Variants in MYO7A observed in about 807,000 individuals in gnomAD.
MYO7A encodes myosin VIIA.
Under a neutral mutation model 263.8 loss-of-function variants are expected in MYO7A, and 210 were observed. The ratio of observed to expected loss-of-function variants is 0.80; its 90% confidence interval spans 0.71 to 0.89. The LOEUF (loss-of-function observed/expected upper bound fraction) is 0.89. Among genes scored for constraint, MYO7A ranks in the 40% least tolerant of loss-of-function variants. The pLI is 0.00. For missense variants in MYO7A, 2,820 were observed against 2,968.3 expected (o/e 0.95, Z 1.16); for synonymous variants, 1,239 against 1,197.3 (o/e 1.03, Z -0.72).
intron 31 of MYO7A, among the ~76,000 whole-genome samples, chr11:77,193,626 G>A (rs1043447008): frequency 4.0e-5 from 6 of 151,664 alleles, no homozygotes; most frequent in Non-Finnish European, 5.9e-5. Flanking sequence ...CAGGCGGAGT[G>A]CATTAGTATA....
intron 30 of MYO7A, among the ~76,000 whole-genome samples, chr11:77,191,389 T>C (rs975516576): frequency 6.6e-6 from 1 of 152,186 alleles, no homozygotes; most frequent in Non-Finnish European, 1.5e-5. Flanking sequence ...CAGTAGGATG[T>C]CCTCAGTCCT....
chr11:77,209,918 C>T (rs570643422), intron 44 of MYO7A, among the ~76,000 whole-genome samples: 27 of 152,242 alleles, frequency 1.8e-4, no homozygotes, highest in African/African-American at 6.3e-4. Context: ...GCTGCCTTGC[C>T]TTGTACCTGG....
At chr11:77,194,182 C>T (rs755718138) in intron 31 of MYO7A, 172 bp from the exon 32 acceptor site, 3 of 823,382 alleles carry the variant, frequency 3.6e-6, no homozygotes, top group Non-Finnish European at 4.0e-6. Context: ...CATGGTTCCT[C>T]TGAGCAGACA....
At chr11:77,159,653 G>A (rs1952810192) in intron 10 of MYO7A, 130 bp downstream of exon 10, 9 of 910,984 alleles carry the variant, frequency 9.9e-6, no homozygotes, top group Non-Finnish European at 1.5e-5. Context: ...TGTTCAATAT[G>A]GAGAAGCAAC....
At chr11:77,176,061 C>T (rs1484657963) in intron 18 of MYO7A, among the ~76,000 whole-genome samples, 2 of 152,186 alleles carry the variant, frequency 1.3e-5, no homozygotes, top group African/African-American at 4.8e-5. Context: ...ACAGTGCGAG[C>T]TCCCAGTGCT....
intron 47 of MYO7A, among the ~76,000 whole-genome samples, chr11:77,213,456 C>T (rs937845035): frequency 4.6e-5 from 7 of 152,218 alleles, no homozygotes; most frequent in African/African-American, 9.6e-5. Flanking sequence ...TCATGCATCA[C>T]GCATTCCTGG....
At chr11:77,206,032 G>A in intron 40 of MYO7A, 65 bp from the exon 41 acceptor site, 1 of 1,296,510 alleles carries the variant, frequency 7.7e-7, no homozygotes. Flanking sequence ...GCCTCCAAGT[G>A]TCCCGGTCCC....
chr11:77,177,371 G>A (rs1368565333), intron 18 of MYO7A, among the ~76,000 whole-genome samples, 178 bp from the exon 19 acceptor site: 2 of 152,228 alleles, frequency 1.3e-5, no homozygotes, highest in African/African-American at 4.8e-5. Flanking sequence ...CACAACCCCT[G>A]TCTGTCCTGG....
chr11:77,147,847 C>G lies in MYO7A; in HGVS notation c.182C>G (p.Pro61Arg), dbSNP rs397516289. The G allele has an allele frequency of 6.8e-6, 11 of 1,609,014 alleles. No individual in the cohort carries two copies. Among genetic ancestry groups the G allele is most frequent in the Non-Finnish European group, 8.5e-6 (10 of 1,178,372 alleles). ...QNATHIKPMH[P>R]TSVHGVEDMI... ...GCAACGCACATCAAGCCTATGCACCCCACGTCGGTCCACGGCGTGGAGGAC... is the reference window on the plus strand; with the variant it reads ...GCAACGCACATCAAGCCTATGCACCGCACGTCGGTCCACGGCGTGGAGGAC... Residue 61 changes from proline (P) to arginine (R), a missense_variant, in exon 4 of 49, where the codon CCC becomes CGC. Physicochemically the swap from Pro to Arg is moderately radical, Grantham distance 103. Transcript: ENST00000409709.
intron 2 of MYO7A, among the ~76,000 whole-genome samples, chr11:77,133,373 G>T (rs1428420301): frequency 6.6e-6 from 1 of 152,218 alleles, no homozygotes; most frequent in Non-Finnish European, 1.5e-5. Flanking sequence ...GGGACTCTGT[G>T]TACTTGGCCC....
In MYO7A at chr11:77,212,983, T is replaced by C. The variant is rs1957973954; in HGVS notation, c.6386T>C (p.Leu2129Pro). 2.5e-6 allele frequency: 4 copies of C among 1,596,176 alleles called. No homozygotes were observed. Among genetic ancestry groups the C allele is most frequent in the Non-Finnish European group, 3.4e-6 (4 of 1,171,004 alleles). The change falls in exon 47 of 49, where the codon CTC (leucine) becomes CCC (proline). Residue 2129 changes from leucine to proline, a missense_variant. Leu to Pro is a moderately conservative substitution (Grantham distance 98). Coordinates refer to ENST00000409709, the MANE Select transcript of MYO7A (RefSeq NM_000260.4). ...ACGGAGCCAAACTTCCCTGAGATCC[T>C]CCTAATTGCCATCAACAAGTATGGG... ...QTTEPNFPEI[L>P]LIAINKYGVS...
chr11:77,139,550 A>G (rs1951082226), intron 2 of MYO7A: 1 of 149,246 alleles, frequency 6.7e-6, no homozygotes, highest in Non-Finnish European at 1.5e-5. Context: ...GAATGGGGCC[A>G]GATGCAGTGG....
At position 77,171,982 on chromosome 11, in the gene MYO7A, A is replaced by G. The variant is rs974651890; in HGVS notation, c.1798-766A>G. On this transcript the variant is annotated intron_variant, in intron 15 of 48. Coordinates refer to ENST00000409709, the MANE Select transcript of MYO7A (RefSeq NM_000260.4). ...GAACCCCTGGCTGCGTCGGAGCCACAGTGCGGGGGGTTAGGAGGAGGCTGC... is the reference window on the plus strand; with the variant it reads ...GAACCCCTGGCTGCGTCGGAGCCACGGTGCGGGGGGTTAGGAGGAGGCTGC... Among the ~76,000 whole-genome samples, 6 of 152,320 alleles carry G rather than the reference A, an allele frequency of 3.9e-5. No homozygotes were observed. In the East Asian group the frequency reaches 1.2e-3, roughly 29 times the overall value.
At chr11:77,198,456 G>T (rs1299123567) in intron 33 of MYO7A, 39 bp from the exon 34 acceptor site, 1 of 1,607,650 alleles carries the variant, frequency 6.2e-7, no homozygotes, top group African/African-American at 1.3e-5. Context: ...GGGCCTGGGT[G>T]TGGGAGGCCT....
At chr11:77,168,350 G>A (rs1418521897) in intron 15 of MYO7A, among the ~76,000 whole-genome samples, 4 of 152,198 alleles carry the variant, frequency 2.6e-5, no homozygotes, top group African/African-American at 9.7e-5. Context: ...CAGAGAATTA[G>A]GATACAACAG....
intron 38 of MYO7A, 54 bp from the exon 39 acceptor site, chr11:77,204,022 C>A (rs967494842): frequency 6.5e-7 from 1 of 1,530,248 alleles, no homozygotes; most frequent in Non-Finnish European, 8.8e-7. Flanking sequence ...GGCCTCCGGA[C>A]CCCAGGCCAG....
At chr11:77,160,405 CG>C in intron 11 of MYO7A, 123 bp downstream of exon 11, 1 of 1,370,078 alleles carries the variant, frequency 7.3e-7, no homozygotes, top group Non-Finnish European at 9.7e-7. Context: ...CTGCCTGCCC[CG>C]GGGCTGCAGT....
In MYO7A at chr11:77,147,784, C is replaced by T. The variant is rs116228809; in HGVS notation, c.133-14C>T. ...GGCCCCAGGAGAGCACGCTGACGTT[C>T]TGGCTCCCCGCAGGAACACTGGATC... On this transcript the variant is annotated splice_polypyrimidine_tract_variant and intron_variant, in intron 3 of 48. Transcript: ENST00000409709. 1.2e-3 allele frequency: 2,008 copies of T among 1,608,070 alleles called. 33 individuals carry two copies. The African/African-American group carries it at 0.024, about 19-fold the overall frequency.
At chr11:77,129,836 G>A (rs563308428) in intron 1 of MYO7A, among the ~76,000 whole-genome samples, 3 of 152,316 alleles carry the variant, frequency 2.0e-5, no homozygotes, top group South Asian at 2.1e-4. Flanking sequence ...GCCAGGAGAT[G>A]GCAAGAGCTG....
Sources: allele counts gnomAD v4.1 joint callset (sites outside exome capture counted in the v4.1 genomes callset), GRCh38; gene constraint gnomAD v4.1.1; transcripts MANE v1.5; gene names NCBI Gene and HGNC (gene_info 2026-07-23, HGNC 2026-07-21).